The following ZNF503 variants were observed in gnomAD, a reference collection of about 807,000 sequenced individuals.
ZNF503 encodes the protein NocA-like zinc finger 2.
ZNF503 carries 15 observed loss-of-function variants against 34.4 expected under a neutral mutation model. The ratio of observed to expected loss-of-function variants is 0.44; its 90% CI spans 0.29 to 0.67. ZNF503 has a LOEUF of 0.67. Ranked by LOEUF, ZNF503 falls within the 30% of genes least tolerant of loss-of-function variation. The pLI, the probability that ZNF503 is intolerant of heterozygous loss-of-function variation, is 0.13. For synonymous variants in ZNF503, 580 were observed against 456.8 expected (o/e 1.27, Z -3.44); for missense variants, 1,007 against 926.8 (o/e 1.09, Z -1.12).
At chr10:75,322,840 A>G in the ZNF503 span, among the ~76,000 whole-genome samples, 2 of 152,322 alleles carry the variant, frequency 1.3e-5, no homozygotes, top group East Asian at 3.9e-4. Flanking sequence ...ACCCTGTCTC[A>G]AAACCAACTA....
At chr10:75,345,648 A>AAAAAAG in the ZNF503 span, among the ~76,000 whole-genome samples, 1 of 151,080 alleles carries the variant, frequency 6.6e-6, no homozygotes, top group East Asian at 1.9e-4. Context: ...AAAAAAAAAA[A>AAAAAAG]AAAAGAAAAG....
rs767870266 is a variant in ZNF503 at position 75,400,282 on chromosome 10, C to A, written c.408G>T (p.Ser136=). 3 of 1,613,412 alleles carry A rather than the reference C, an allele frequency of 1.9e-6. No homozygotes were observed. The highest frequency in any genetic ancestry group is 2.5e-6 in the Non-Finnish European group (3 of 1,179,838). Residue 136 remains serine (S), a synonymous_variant, in exon 2 of 2, where the codon TCG becomes TCT. Transcript: ENST00000372524. Reference sequence around the variant, plus strand: ...CCGCGCCGCCCCCGTTGGAGGCAACCGAGGAGAGTTTGGAGGAGGGCGAGG... The same window carrying A: ...CCGCGCCGCCCCCGTTGGAGGCAACAGAGGAGAGTTTGGAGGAGGGCGAGG... ...PDPSPSSKLS[S]VASNGGGAGG...
the ZNF503 span, chr10:75,382,817 A>C: frequency 3.3e-6 from 1 of 301,358 alleles, no homozygotes; most frequent in African/African-American, 2.3e-5. Context: ...AGAATTCAGT[A>C]GTGGGTATTG....
At chr10:75,332,156 A>T in the ZNF503 span, among the ~76,000 whole-genome samples, 1 of 151,942 alleles carries the variant, frequency 6.6e-6, no homozygotes, top group African/African-American at 2.4e-5. Flanking sequence ...ATGTCTTAGC[A>T]TTTTTTGAAT....
At position 75,399,785 on chromosome 10, in the gene ZNF503, G is replaced by C; in HGVS notation, c.905C>G (p.Pro302Arg). The change falls in exon 2 of 2, where the codon CCG (proline) becomes CGG (arginine). Residue 302 changes from proline to arginine, a missense_variant. Pro to Arg is a moderately radical substitution (Grantham distance 103, BLOSUM62 -2). Transcript: ENST00000372524. Reference sequence around the variant, plus strand: ...GTCCGAGCCCAGAGCCTTGCCTCCCGGGCCCCCATCCGGATGCTGGTTCAC... The same window carrying C: ...GTCCGAGCCCAGAGCCTTGCCTCCCCGGCCCCCATCCGGATGCTGGTTCAC... ...VDVNQHPDGG[P>R]GGKALGSDCG... 1 of 1,595,464 alleles carries C rather than the reference G, an allele frequency of 6.3e-7. No individual in the cohort carries two copies. Among genetic ancestry groups the C allele is most frequent in the Non-Finnish European group, 8.5e-7 (1 of 1,174,084 alleles).
the ZNF503 span, among the ~76,000 whole-genome samples, chr10:75,340,507 C>T: frequency 6.6e-6 from 1 of 152,122 alleles, no homozygotes; most frequent in Non-Finnish European, 1.5e-5. Flanking sequence ...CTGAAAACAA[C>T]CAAAATATCC....
chr10:75,283,180 A>G, the ZNF503 span: 1 of 152,270 alleles, frequency 6.6e-6, no homozygotes, highest in Non-Finnish European at 1.5e-5. Flanking sequence ...TGCTTTGCAC[A>G]TTAGTGCGTT....
chr10:75,401,618 G>A lies in ZNF503; in HGVS notation c.-199C>T. On this transcript the variant is annotated 5_prime_UTR_variant, in exon 1 of 2. Coordinates refer to ENST00000372524, the MANE Select transcript of ZNF503 (RefSeq NM_032772.6). ...CTGGGTGGCCCGCAGCGGAGCCGTG[G>A]CCGGGCTAGAGGAGCCGGCTGGACT... 1 of 663,854 alleles carries A rather than the reference G, an allele frequency of 1.5e-6. No homozygotes were observed. The highest frequency in any genetic ancestry group is 2.5e-6 in the Non-Finnish European group (1 of 399,668). The allele number at this position is 663,854 out of a possible 1,614,324, so 41.1% of individuals were successfully genotyped here.
At chr10:75,311,168 A>G in the ZNF503 span, among the ~76,000 whole-genome samples, 1 of 152,196 alleles carries the variant, frequency 6.6e-6, no homozygotes, top group Non-Finnish European at 1.5e-5. Context: ...TTGGACTCCA[A>G]TGTTCGAGGG....
the ZNF503 span, among the ~76,000 whole-genome samples, chr10:75,320,022 T>C: frequency 6.6e-6 from 1 of 152,204 alleles, no homozygotes; most frequent in Non-Finnish European, 1.5e-5. Flanking sequence ...ATAACATTAA[T>C]TCTAAACAAT....
chr10:75,355,470 C>T, the ZNF503 span, among the ~76,000 whole-genome samples: 2 of 152,128 alleles, frequency 1.3e-5, no homozygotes, highest in Non-Finnish European at 2.9e-5. Context: ...TCTCTTCCCA[C>T]GATACCTCCC....
At chr10:75,333,610 A>T in the ZNF503 span, among the ~76,000 whole-genome samples, 1 of 76,088 alleles carries the variant, frequency 1.3e-5, no homozygotes, top group African/African-American at 6.4e-5. Context: ...TTCCTCCCGG[A>T]CGGCACGGCT....
Position 75,399,715 on chromosome 10 carries a change from C to A in ZNF503, c.975G>T (p.Ala325=), listed in dbSNP as rs747315981. 20 of 1,598,050 alleles carry A rather than the reference C, an allele frequency of 1.3e-5. No individual in the cohort carries two copies. In the South Asian group the frequency reaches 2.1e-4, roughly 17 times the overall value. ...AGCCCAACACTGAGGAGGAGGTGGG[C>A]GCGCTGGGGCCGGAGCCGGAGCTGG... ...SGSSSGSGPS[A]PTSSSVLGSG... Residue 325 remains alanine, a synonymous_variant, in exon 2 of 2, where the codon GCG becomes GCT. Coordinates refer to ENST00000372524, the MANE Select transcript of ZNF503 (RefSeq NM_032772.6).
At chr10:75,378,777 G>A in the ZNF503 span, among the ~76,000 whole-genome samples, 2 of 152,154 alleles carry the variant, frequency 1.3e-5, no homozygotes, top group East Asian at 3.8e-4. Flanking sequence ...CACACCATAA[G>A]GCTGAGTTGA....
the ZNF503 span, among the ~76,000 whole-genome samples, chr10:75,301,921 A>G: frequency 1.3e-5 from 2 of 152,180 alleles, no homozygotes; most frequent in Non-Finnish European, 2.9e-5. Flanking sequence ...AATATACACA[A>G]AGAGTCTTTT....
chr10:75,329,899 A>G, the ZNF503 span, among the ~76,000 whole-genome samples: 1 of 152,224 alleles, frequency 6.6e-6, no homozygotes, highest in African/African-American at 2.4e-5. Context: ...TTCCAGTACT[A>G]TACTGAGTAG....
the ZNF503 span, among the ~76,000 whole-genome samples, chr10:75,320,435 C>T: frequency 5.9e-5 from 9 of 151,980 alleles, no homozygotes; most frequent in East Asian, 9.7e-4. Flanking sequence ...GAGCCGAGAT[C>T]GCACCACTGC....
At chr10:75,385,321 C>T in the ZNF503 span, among the ~76,000 whole-genome samples, 8 of 152,220 alleles carry the variant, frequency 5.3e-5, no homozygotes, top group Non-Finnish European at 1.0e-4. Flanking sequence ...TTATCTACTG[C>T]TACAAGAAAA....
At chr10:75,322,832 CCT>C in the ZNF503 span, among the ~76,000 whole-genome samples, 1 of 152,042 alleles carries the variant, frequency 6.6e-6, no homozygotes, top group Non-Finnish European at 1.5e-5. Context: ...AGAGTGAGAC[CCT>C]GTCTCAAAAC....
Sources: allele counts gnomAD v4.1 joint callset (sites outside exome capture counted in the v4.1 genomes callset), GRCh38; gene constraint gnomAD v4.1.1; transcripts MANE v1.5; gene names NCBI Gene and HGNC (gene_info 2026-07-23, HGNC 2026-07-21).